Variants in RAE1 observed in about 807,000 individuals in gnomAD.
RAE1 encodes ribonucleic acid export 1, also known as mRNA export factor RAE1.
RAE1 carries 13 observed loss-of-function variants against 52.7 expected under a neutral mutation model. That is an observed-to-expected ratio of 0.25 (90% CI 0.16 to 0.39). The LOEUF (loss-of-function observed/expected upper bound fraction) is 0.39. Among genes scored for constraint, RAE1 ranks in the 10% least tolerant of loss-of-function variants. RAE1 has a pLI of 1.00. For missense variants in RAE1, 262 were observed against 459.8 expected (o/e 0.57, Z 3.93); for synonymous variants, 164 against 153.1 (o/e 1.07, Z -0.52).
chr20:57,370,095 C>A (rs1410257013), intron 8 of RAE1, among the ~76,000 whole-genome samples: 1 of 152,154 alleles, frequency 6.6e-6, no homozygotes, highest in South Asian at 2.1e-4. Context: ...TCCCTTGATC[C>A]CCACATCCTC....
At position 57,354,075 on chromosome 20, in the gene RAE1, A is replaced by G. The variant is rs374999250; in HGVS notation, c.37A>G (p.Ser13Gly). The change falls in exon 2 of 12, where the codon AGT becomes GGT. Residue 13 changes from serine to glycine, a missense_variant. Coordinates refer to ENST00000395841, the MANE Select transcript of RAE1 (RefSeq NM_003610.4). ...LFGTTSGFGT[S>G]GTSMFGSATT... ...TGGAACAACCTCAGGTTTTGGAACC[A>G]GTGGGACCAGCATGTTTGGCAGTGC... 5 of 1,614,032 alleles carry G rather than the reference A, an allele frequency of 3.1e-6. No individual in the cohort carries two copies. Among genetic ancestry groups the G allele is most frequent in the Middle Eastern group, 1.6e-4 (1 of 6,080 alleles).
intron 8 of RAE1, chr20:57,372,256 A>G (rs559784690): frequency 1.3e-5 from 2 of 152,340 alleles, no homozygotes; most frequent in Middle Eastern, 3.4e-3. Flanking sequence ...AAGCGGCACC[A>G]CTGGCCTTGC....
intron 7 of RAE1, among the ~76,000 whole-genome samples, chr20:57,368,394 C>T (rs963256731): frequency 7.9e-5 from 12 of 152,124 alleles, no homozygotes; most frequent in Non-Finnish European, 1.3e-4. Context: ...CCAAGTATAA[C>T]GCTGAGAACA....
intron 1 of RAE1, chr20:57,351,855 C>T (rs1181470185): frequency 1.0e-6 from 1 of 985,450 alleles, no homozygotes; most frequent in Non-Finnish European, 1.2e-6. Context: ...CTGTTTCTGT[C>T]TTAGCCCGCC....
intron 8 of RAE1, chr20:57,371,262 G>A (rs959795079): frequency 6.6e-6 from 1 of 152,198 alleles, no homozygotes; most frequent in African/African-American, 2.4e-5. Context: ...GGGAACCATG[G>A]AAAAGAGTGA....
At position 57,374,739 on chromosome 20, in the gene RAE1, G is replaced by A. The variant is rs2067085961; in HGVS notation, c.958G>A (p.Ala320Thr). ...GGAACAGTTAGATCAGCCCATCTCA[G>A]CTTGCTGTTTCAATCACAATGGAAA... ...TSEQLDQPIS[A>T]CCFNHNGNIF... Residue 320 changes from alanine (A) to threonine (T), a missense_variant, in exon 11 of 12, where the codon GCT (alanine) becomes ACT (threonine). By Grantham distance (58) the Ala-to-Thr change is moderately conservative. Coordinates refer to ENST00000395841, the MANE Select transcript of RAE1 (RefSeq NM_003610.4). 1 of 1,614,222 alleles carries A rather than the reference G, an allele frequency of 6.2e-7. No individual in the cohort carries two copies. The highest frequency in any genetic ancestry group is 8.5e-7 in the Non-Finnish European group (1 of 1,180,036).
Position 57,366,952 on chromosome 20 carries a change from C to A in RAE1, c.463-56C>A, listed in dbSNP as rs1479892281. On this transcript the variant is annotated intron_variant, in intron 6 of 11. Transcript: ENST00000395841. The stretch of plus-strand genomic sequence containing the variant: ...ATCAGGATTGTCATTTATTTTTGCA[C>A]CATTTCGACTTCTGCTCTGAATGGT... 23 of 1,585,474 alleles carry A rather than the reference C, an allele frequency of 1.5e-5. No homozygotes were observed. In the South Asian group the frequency reaches 1.7e-4, roughly 11 times the overall value.
Position 57,373,481 on chromosome 20 carries a change from T to G in RAE1, c.649T>G (p.Cys217Gly), listed in dbSNP as rs2067066260. The change falls in exon 9 of 12, where the codon TGT becomes GGT. Residue 217 changes from cysteine (C) to glycine (G), a missense_variant. Coordinates refer to ENST00000395841, the MANE Select transcript of RAE1 (RefSeq NM_003610.4). ...IESPLKHQHR[C>G]VAIFKDKQNK... ...TTTTTTATTTTAACTGTAGCATCGG[T>G]GTGTGGCTATTTTTAAAGACAAACA... 3 of 1,612,866 alleles carry G rather than the reference T, an allele frequency of 1.9e-6. No homozygotes were observed. Among genetic ancestry groups the G allele is most frequent in the Admixed American group, 3.3e-5 (2 of 59,980 alleles).
chr20:57,374,507 T>C (rs1041902812), intron 10 of RAE1, 100 bp from the exon 11 acceptor site: 3 of 1,070,018 alleles, frequency 2.8e-6, no homozygotes, highest in African/African-American at 1.6e-5. Context: ...GAAATGTACC[T>C]GTGCGCTTTG....
intron 1 of RAE1, among the ~76,000 whole-genome samples, chr20:57,352,801 G>A (rs910777011): frequency 4.6e-5 from 7 of 152,134 alleles, no homozygotes; most frequent in South Asian, 2.1e-4. Flanking sequence ...TAAGTGACCC[G>A]TCCAAAGCCG....
In RAE1 at chr20:57,378,861, TG is replaced by T. The variant is rs2067151108; in HGVS notation, c.*765del. 2 of 152,236 alleles carry T rather than the reference TG, an allele frequency of 1.3e-5. No individual in the cohort carries two copies. Among genetic ancestry groups the T allele is most frequent in the Admixed American group, 1.3e-4 (2 of 15,284 alleles). The allele number at this position is 152,236 out of a possible 1,614,324, so 9.4% of individuals were successfully genotyped here. A position where few individuals can be genotyped will look rare whatever the true frequency, so the allele number is the denominator to read the frequency against. On this transcript the variant is annotated 3_prime_UTR_variant, in exon 12 of 12. Coordinates refer to ENST00000395841, the MANE Select transcript of RAE1 (RefSeq NM_003610.4). ...CAAGTTAGAACCCAAGCCCCCTGCA[TG>T]GGAATTGCCCTGAACTCTTACCCAC...
intron 4 of RAE1, among the ~76,000 whole-genome samples, chr20:57,363,809 C>T (rs2066920077): frequency 6.6e-6 from 1 of 152,324 alleles, no homozygotes; most frequent in East Asian, 1.9e-4. Context: ...TCAAAGTAGG[C>T]AAAACCTACA....
intron 1 of RAE1, among the ~76,000 whole-genome samples, chr20:57,352,326 G>A (rs2066722474): frequency 6.6e-6 from 1 of 152,208 alleles, no homozygotes; most frequent in African/African-American, 2.4e-5. Context: ...TCAAACGGAG[G>A]TAGCTGTGGG....
chr20:57,351,914 C>G (rs1176386468), intron 1 of RAE1: 2 of 985,414 alleles, frequency 2.0e-6, no homozygotes, highest in African/African-American at 3.5e-5. Flanking sequence ...GGCAGTACTT[C>G]TCCAGGCAAG....
intron 4 of RAE1, among the ~76,000 whole-genome samples, chr20:57,361,100 A>T (rs567854193): frequency 6.6e-6 from 1 of 151,986 alleles, no homozygotes; most frequent in South Asian, 2.1e-4. Flanking sequence ...GAAAGAAAGA[A>T]AGAAAGAAAG....
chr20:57,376,411 A>G (rs1275746772), intron 11 of RAE1, among the ~76,000 whole-genome samples: 13 of 152,022 alleles, frequency 8.6e-5, no homozygotes. Context: ...CACACACAAA[A>G]CCATGGATCT....
intron 7 of RAE1, among the ~76,000 whole-genome samples, chr20:57,368,314 G>T (rs138477279): frequency 2.4e-4 from 36 of 152,300 alleles, no homozygotes; most frequent in Middle Eastern, 3.4e-3. Context: ...ACTTGAAAAA[G>T]TGTGTGACGT....
chr20:57,352,156 T>C (rs1170498508), intron 1 of RAE1, among the ~76,000 whole-genome samples: 1 of 114,508 alleles, frequency 8.7e-6, no homozygotes, highest in Non-Finnish European at 1.7e-5. Context: ...GTGACAGCTT[T>C]ATTGAAGTAT....
intron 4 of RAE1, among the ~76,000 whole-genome samples, chr20:57,361,311 A>G (rs2066889261): frequency 6.6e-6 from 1 of 152,322 alleles, no homozygotes. Context: ...TCTATTATAC[A>G]TAGTGGAGGA....
Sources: gnomAD v4.1 joint callset for allele counts (sites outside exome capture counted in the v4.1 genomes callset) on GRCh38, gnomAD v4.1.1 for gene constraint, MANE v1.5 for transcripts, NCBI Gene and HGNC (gene_info 2026-07-23, HGNC 2026-07-21) for gene names.